The following FAM200B variants were observed in gnomAD, a reference collection of about 807,000 sequenced individuals.
FAM200B encodes the protein protein FAM200B.
Under a neutral mutation model 33.1 loss-of-function variants are expected in FAM200B, and 32 were observed. The ratio of observed to expected loss-of-function variants is 0.97; its 90% CI spans 0.73 to 1.30. The LOEUF (loss-of-function observed/expected upper bound fraction) is 1.30. Among genes scored for constraint, FAM200B ranks in the 50% most tolerant of loss-of-function variants. FAM200B has a pLI of 0.00. For synonymous variants in FAM200B, 240 were observed against 264.8 expected, an observed-to-expected ratio of 0.91 and a Z score of 0.91; for missense variants, 741 against 754.0, an observed-to-expected ratio of 0.98 and a Z score of 0.20.
At chr4:15,640,722 C>G in the FAM200B span, 1 of 866,428 alleles carries the variant, frequency 1.2e-6, no homozygotes, top group Non-Finnish European at 1.8e-6. Context: ...TTTGAAGAGT[C>G]TCTAAAGCAA....
the FAM200B span, among the ~76,000 whole-genome samples, chr4:15,666,677 A>G: frequency 6.6e-6 from 1 of 152,066 alleles, no homozygotes; most frequent in Non-Finnish European, 1.5e-5. Flanking sequence ...CTAAACATCA[A>G]AAAAATTAGC....
the FAM200B span, chr4:15,644,735 GTAATA>G: frequency 6.5e-7 from 1 of 1,531,754 alleles, no homozygotes; most frequent in African/African-American, 1.4e-5. Context: ...AAAGAAAAGT[GTAATA>G]AATACGTGCA....
At chr4:15,675,313 G>C in the FAM200B span, among the ~76,000 whole-genome samples, 1 of 152,062 alleles carries the variant, frequency 6.6e-6, no homozygotes, top group Non-Finnish European at 1.5e-5. Flanking sequence ...CAAAATACTA[G>C]TATATAAAAA....
At position 15,688,273 on chromosome 4, in the gene FAM200B, A is replaced by C; in HGVS notation, c.1296A>C (p.Leu432Phe). ...DDTWVTKLAY[L>F]TDIFSILNEL... The stretch of plus-strand genomic sequence containing the variant: ...CTTGGGTAACAAAATTGGCATATTT[A>C]ACTGATATTTTTAGCATTCTTAATG... The change falls in exon 2 of 2, where the codon TTA becomes TTC. Residue 432 changes from leucine to phenylalanine, a missense_variant. By Grantham distance (22) the Leu-to-Phe change is conservative (BLOSUM62 0). Coordinates refer to ENST00000422728, the MANE Select transcript of FAM200B (RefSeq NM_001145191.2). 6.5e-7 allele frequency: 1 copy of C among 1,548,652 alleles called. No homozygotes were observed. The highest frequency in any genetic ancestry group is 8.7e-7 in the Non-Finnish European group (1 of 1,144,448).
At chr4:15,648,850 A>G in the FAM200B span, among the ~76,000 whole-genome samples, 1 of 152,198 alleles carries the variant, frequency 6.6e-6, no homozygotes, top group Non-Finnish European at 1.5e-5. Flanking sequence ...CTGAGAGTAC[A>G]TCCTCTGTGT....
chr4:15,647,690 T>G, the FAM200B span, among the ~76,000 whole-genome samples: 1 of 152,266 alleles, frequency 6.6e-6, no homozygotes, highest in South Asian at 2.1e-4. Context: ...AAATTACAGG[T>G]AGAATCTATA....
chr4:15,652,766 C>G, the FAM200B span, among the ~76,000 whole-genome samples: 4 of 152,150 alleles, frequency 2.6e-5, no homozygotes, highest in African/African-American at 9.7e-5. Flanking sequence ...AAAATAGTAA[C>G]TGACTTCTTG....
chr4:15,679,242 T>C (rs915700402), upstream of FAM200B, among the ~76,000 whole-genome samples: 3 of 152,188 alleles, frequency 2.0e-5, no homozygotes, highest in East Asian at 5.8e-4. Context: ...TTTGTATTTT[T>C]AGTAGAGACA....
Position 15,686,702 on chromosome 4 carries a change from T to G in FAM200B, c.-276T>G, listed in dbSNP as rs931627978. ...AGAGGGGTATTTGATGGAGGAGATA[T>G]GATGAATAGAATGTATATTGGCTAA... On this transcript the variant is annotated 5_prime_UTR_variant, in exon 2 of 2. The change abolishes an upstream ATG in the 5' untranslated region. Coordinates refer to ENST00000422728, the MANE Select transcript of FAM200B (RefSeq NM_001145191.2). 5.2e-5 allele frequency: 11 copies of G among 213,406 alleles called. No individual in the cohort carries two copies. The highest frequency in any genetic ancestry group is 9.2e-5 in the Non-Finnish European group (10 of 108,526). The allele number at this position is 213,406 out of a possible 1,614,324, so 13.2% of individuals were successfully genotyped here. A position where few individuals can be genotyped will look rare whatever the true frequency, so the allele number is the denominator to read the frequency against.
chr4:15,640,549 T>C, the FAM200B span, among the ~76,000 whole-genome samples: 1 of 152,020 alleles, frequency 6.6e-6, no homozygotes, highest in Non-Finnish European at 1.5e-5. Flanking sequence ...AAAAGAAAAT[T>C]AATATTTCCT....
the FAM200B span, among the ~76,000 whole-genome samples, chr4:15,651,306 A>G: frequency 2.6e-5 from 4 of 152,022 alleles, no homozygotes; most frequent in East Asian, 1.9e-4. Flanking sequence ...TCCGAAGGGG[A>G]AAAAAAATCC....
At chr4:15,658,711 A>G in the FAM200B span, among the ~76,000 whole-genome samples, 1 of 152,150 alleles carries the variant, frequency 6.6e-6, no homozygotes, top group African/African-American at 2.4e-5. Context: ...TTTATAAATT[A>G]CCCAGTTTCA....
chr4:15,641,754 C>T, the FAM200B span: 1 of 362,672 alleles, frequency 2.8e-6, no homozygotes, highest in African/African-American at 2.1e-5. Context: ...CTGCCAGGCA[C>T]GGTGGCTCAT....
upstream of FAM200B, among the ~76,000 whole-genome samples, chr4:15,680,667 C>T (rs982974487): frequency 2.0e-5 from 3 of 151,734 alleles, no homozygotes; most frequent in Admixed American, 2.0e-4. Flanking sequence ...GAGAGTGAGA[C>T]TCCGTCTCAA....
the FAM200B span, among the ~76,000 whole-genome samples, chr4:15,646,660 AACATTAGGTAT>A: frequency 2.6e-5 from 4 of 151,574 alleles, no homozygotes; most frequent in African/African-American, 4.8e-5. Flanking sequence ...CCCGTCATCT[AACATTAGGTAT>A]ATCTCCCAAT....
the FAM200B span, among the ~76,000 whole-genome samples, chr4:15,650,217 T>C: frequency 6.6e-6 from 1 of 152,296 alleles, no homozygotes; most frequent in Admixed American, 6.5e-5. Context: ...AAAGAAATCA[T>C]CTGCCTCAAA....
At chr4:15,663,410 A>G in the FAM200B span, among the ~76,000 whole-genome samples, 36,775 of 152,084 alleles carry the variant, frequency 0.24, 4,698 homozygotes, top group African/African-American at 0.28. Context: ...AGGTTTCAAA[A>G]TGGTTTGACC....
chr4:15,645,644 G>T, the FAM200B span, among the ~76,000 whole-genome samples: 1 of 151,798 alleles, frequency 6.6e-6, no homozygotes, highest in African/African-American at 2.4e-5. Flanking sequence ...GGCCAGGCTG[G>T]TCTTGAACTC....
At chr4:15,639,151 C>T in the FAM200B span, among the ~76,000 whole-genome samples, 2 of 152,144 alleles carry the variant, frequency 1.3e-5, no homozygotes, top group African/African-American at 2.4e-5. Context: ...GCAACAAGAG[C>T]GAAACTCTGT....
Sources: gnomAD v4.1 joint callset for allele counts (sites outside exome capture counted in the v4.1 genomes callset) on GRCh38, gnomAD v4.1.1 for gene constraint, MANE v1.5 for transcripts, NCBI Gene and HGNC (gene_info 2026-07-23, HGNC 2026-07-21) for gene names.